Variants in PCSK2 observed in about 807,000 individuals in gnomAD.
The protein encoded by PCSK2 is proprotein convertase subtilisin/kexin type 2.
Under a neutral mutation model 69.7 loss-of-function variants are expected in PCSK2, and 14 were observed. That is an observed-to-expected ratio of 0.20 (90% CI 0.13 to 0.31). The LOEUF (loss-of-function observed/expected upper bound fraction) is 0.31, where lower values mean the gene tolerates loss of function less well. Among genes scored for constraint, PCSK2 ranks in the 10% least tolerant of loss-of-function variants. The pLI is 1.00. For synonymous variants in PCSK2, 307 were observed against 320.7 expected (o/e 0.96, Z 0.46); for missense variants, 544 against 842.5 (o/e 0.65, Z 4.39).
intron 2 of PCSK2, among the ~76,000 whole-genome samples, chr20:17,336,397 G>A (rs187563567): frequency 4.0e-4 from 61 of 152,226 alleles, no homozygotes; most frequent in African/African-American, 1.3e-3. Flanking sequence ...ACCTTCTCTG[G>A]GTCCCTAAGA....
intron 2 of PCSK2, among the ~76,000 whole-genome samples, chr20:17,353,268 C>A (rs949248859): frequency 6.7e-6 from 1 of 149,664 alleles, no homozygotes; most frequent in African/African-American, 2.5e-5. Context: ...TGAGACCATC[C>A]TGGCCAACAC....
At chr20:17,230,437 A>G (rs886193324) in intron 1 of PCSK2, among the ~76,000 whole-genome samples, 3 of 152,226 alleles carry the variant, frequency 2.0e-5, no homozygotes, top group Admixed American at 1.3e-4. Flanking sequence ...ATCTGCTTAT[A>G]TCTGAGAAGT....
intron 1 of PCSK2, among the ~76,000 whole-genome samples, chr20:17,245,119 A>G (rs1333198523): frequency 6.6e-6 from 1 of 152,214 alleles, no homozygotes; most frequent in Non-Finnish European, 1.5e-5. Context: ...CTCCCGAAGA[A>G]GAGCTCAGAT....
chr20:17,318,151 C>T (rs1044279703), intron 2 of PCSK2, among the ~76,000 whole-genome samples: 8 of 152,174 alleles, frequency 5.3e-5, no homozygotes, highest in African/African-American at 1.9e-4. Context: ...ACAGTGAGCT[C>T]CTATTTGGAA....
At chr20:17,292,082 A>T (rs984330578) in intron 2 of PCSK2, among the ~76,000 whole-genome samples, 2 of 152,198 alleles carry the variant, frequency 1.3e-5, no homozygotes, top group East Asian at 1.9e-4. Flanking sequence ...TAAGGGTTCT[A>T]TTAGGAAGGT....
chr20:17,346,053 A>C (rs1266669190), intron 2 of PCSK2, among the ~76,000 whole-genome samples: 1 of 152,216 alleles, frequency 6.6e-6, no homozygotes, highest in Non-Finnish European at 1.5e-5. Context: ...TTCCAGAAGC[A>C]CATTAATGAG....
At chr20:17,451,251 A>G (rs1339142507) in intron 8 of PCSK2, among the ~76,000 whole-genome samples, 2 of 152,234 alleles carry the variant, frequency 1.3e-5, no homozygotes, top group African/African-American at 4.8e-5. Context: ...TCTGTGTAAC[A>G]GTGAGCTGGC....
chr20:17,386,915 C>T (rs540190772), intron 5 of PCSK2, among the ~76,000 whole-genome samples: 23 of 152,282 alleles, frequency 1.5e-4, no homozygotes, highest in African/African-American at 3.1e-4. Context: ...ACTTTTGAGA[C>T]CTTTGCACTA....
chr20:17,294,960 T>C (rs1232979212), intron 2 of PCSK2, among the ~76,000 whole-genome samples: 1 of 152,200 alleles, frequency 6.6e-6, no homozygotes, highest in African/African-American at 2.4e-5. Flanking sequence ...TCTGGGATAA[T>C]TCCTTGAATT....
In PCSK2 at chr20:17,408,150, TA is replaced by T. The variant is rs1230596789; in HGVS notation, c.544-1111del. ...AAATGCCAAAGCTGGAATGTGCCTC[TA>T]ACCCAGTGTTTCCTGGCCCAGTGTA... On this transcript the variant is annotated intron_variant, in intron 5 of 11. Transcript: ENST00000262545. 2.6e-5 allele frequency among the ~76,000 whole-genome samples: 4 copies of T among 152,236 alleles called. No individual in the cohort carries two copies. The South Asian group carries it at 6.2e-4, about 24-fold the overall frequency.
intron 2 of PCSK2, among the ~76,000 whole-genome samples, chr20:17,344,100 A>T (rs928270336): frequency 3.9e-5 from 6 of 152,236 alleles, no homozygotes; most frequent in Admixed American, 1.3e-4. Context: ...GCACTATTGC[A>T]AAGTCGATTC....
At chr20:17,329,654 A>C (rs1399957230) in intron 2 of PCSK2, among the ~76,000 whole-genome samples, 1 of 152,262 alleles carries the variant, frequency 6.6e-6, no homozygotes. Flanking sequence ...TTGACAAATT[A>C]CATATGCAGG....
At chr20:17,392,681 T>C (rs1198165489) in intron 5 of PCSK2, among the ~76,000 whole-genome samples, 1 of 152,180 alleles carries the variant, frequency 6.6e-6, no homozygotes, top group Non-Finnish European at 1.5e-5. Flanking sequence ...AATGGAATCA[T>C]ACAGTATACA....
At chr20:17,346,030 A>C (rs1990642282) in intron 2 of PCSK2, among the ~76,000 whole-genome samples, 1 of 152,184 alleles carries the variant, frequency 6.6e-6, no homozygotes, top group Admixed American at 6.5e-5. Flanking sequence ...CTTCAGTCAG[A>C]TCCACCTGTG....
intron 5 of PCSK2, among the ~76,000 whole-genome samples, chr20:17,383,532 G>A (rs2031147341): frequency 6.6e-6 from 1 of 152,106 alleles, no homozygotes; most frequent in Non-Finnish European, 1.5e-5. Flanking sequence ...TCATTCATTT[G>A]TGTTATATGC....
At chr20:17,449,592 G>C (rs548641745) in intron 8 of PCSK2, among the ~76,000 whole-genome samples, 2 of 109,626 alleles carry the variant, frequency 1.8e-5, no homozygotes, top group Non-Finnish European at 4.2e-5. Flanking sequence ...GTGCAATAGC[G>C]CGATCTCAGC....
chr20:17,332,265 T>C (rs1055653537), intron 2 of PCSK2, among the ~76,000 whole-genome samples: 3 of 152,192 alleles, frequency 2.0e-5, no homozygotes, highest in African/African-American at 7.2e-5. Flanking sequence ...AGTTTACTTC[T>C]GATTCATACA....
chr20:17,258,041 A>C (rs1170543673), intron 1 of PCSK2, among the ~76,000 whole-genome samples: 1 of 152,238 alleles, frequency 6.6e-6, no homozygotes, highest in Admixed American at 6.5e-5. Context: ...CCTGGGACAG[A>C]TCAAATAACA....
chr20:17,258,141 C>A (rs1181804932), intron 1 of PCSK2, among the ~76,000 whole-genome samples: 1 of 152,130 alleles, frequency 6.6e-6, no homozygotes, highest in Non-Finnish European at 1.5e-5. Context: ...CCAGTCTGCA[C>A]CCTCTACTAT....
Sources: allele counts gnomAD v4.1 joint callset (sites outside exome capture counted in the v4.1 genomes callset), GRCh38; gene constraint gnomAD v4.1.1; transcripts MANE v1.5; gene names NCBI Gene and HGNC (gene_info 2026-07-23, HGNC 2026-07-21).